PTPRN2: variants seen among roughly 807,000 people sequenced by gnomAD.
PTPRN2 encodes receptor-type tyrosine-protein phosphatase N2.
Under a neutral mutation model 118.8 loss-of-function variants are expected in PTPRN2, and 74 were observed. That is an observed-to-expected ratio of 0.62 (90% confidence interval 0.52 to 0.76). The LOEUF (loss-of-function observed/expected upper bound fraction) is 0.76. Ranked by LOEUF, PTPRN2 falls within the 30% of genes least tolerant of loss-of-function variation. The pLI, the probability that PTPRN2 is intolerant of heterozygous loss-of-function variation, is 0.00. For synonymous variants in PTPRN2, 641 were observed against 608.0 expected (o/e 1.05, Z -0.80); for missense variants, 1,481 against 1,394.4 (o/e 1.06, Z -0.99).
At chr7:158,305,329 GA>G (rs531647752) in intron 3 of PTPRN2, among the ~76,000 whole-genome samples, 50 of 152,114 alleles carry the variant, frequency 3.3e-4, no homozygotes, top group African/African-American at 1.1e-3. Context: ...AAGGACAACA[GA>G]AAAAATAGGG....
intron 11 of PTPRN2, among the ~76,000 whole-genome samples, chr7:158,060,506 T>C (rs191098160): frequency 6.6e-6 from 1 of 152,336 alleles, no homozygotes; most frequent in East Asian, 1.9e-4. Flanking sequence ...CACGAGGTGA[T>C]CCCCTCTTCT....
intron 3 of PTPRN2, among the ~76,000 whole-genome samples, chr7:158,315,465 A>G (rs1802236368): frequency 7.0e-6 from 1 of 143,028 alleles, no homozygotes; most frequent in Non-Finnish European, 1.5e-5. Flanking sequence ...TGAACCCAGG[A>G]CTCCCTGAAG....
intron 21 of PTPRN2, among the ~76,000 whole-genome samples, chr7:157,557,194 A>AAC (rs1414723198): frequency 6.7e-6 from 1 of 149,818 alleles, no homozygotes; most frequent in East Asian, 2.0e-4. Context: ...CACACCACAC[A>AAC]ACACACACAC....
intron 5 of PTPRN2, among the ~76,000 whole-genome samples, chr7:158,172,831 C>T (rs1167526993): frequency 1.4e-5 from 2 of 145,916 alleles, no homozygotes; most frequent in East Asian, 2.0e-4. Context: ...TCCACAGCAG[C>T]ATCCCCACCA....
Position 157,676,564 on chromosome 7 carries a change from C to A in PTPRN2, c.2001+6161G>T, listed in dbSNP as rs1164035641. ...ATGGTGGAGGAGCTGTCCAGACCCA[C>A]GGGACAGAAAAGCCCGGGCCAGCCC... On this transcript the variant is annotated intron_variant, in intron 13 of 22. Transcript: ENST00000389418. The surrounding 1 kb of genome is among the most constrained non-coding windows in gnomAD (Gnocchi z 5.6). 2.0e-5 allele frequency among the ~76,000 whole-genome samples: 3 copies of A among 152,314 alleles called. No homozygotes were observed. The East Asian group carries it at 5.8e-4, about 29-fold the overall frequency.
At chr7:158,019,008 A>G (rs1300978628) in intron 11 of PTPRN2, among the ~76,000 whole-genome samples, 1 of 151,262 alleles carries the variant, frequency 6.6e-6, no homozygotes, top group Non-Finnish European at 1.5e-5. Flanking sequence ...ATAAGAAAGT[A>G]TAAACAGAGT....
At chr7:157,855,532 T>C (rs930630785) in intron 12 of PTPRN2, among the ~76,000 whole-genome samples, 3 of 152,202 alleles carry the variant, frequency 2.0e-5, no homozygotes, top group African/African-American at 7.2e-5. Context: ...GGTTTGGGGA[T>C]TCACTTGATA....
At chr7:157,971,013 C>G (rs1802295988) in intron 11 of PTPRN2, among the ~76,000 whole-genome samples, 1 of 152,164 alleles carries the variant, frequency 6.6e-6, no homozygotes, top group Non-Finnish European at 1.5e-5. Flanking sequence ...CTGAAATAAT[C>G]CTAGAGAAAG....
At chr7:158,409,650 T>A (rs1813876691) in intron 2 of PTPRN2, among the ~76,000 whole-genome samples, 1 of 152,128 alleles carries the variant, frequency 6.6e-6, no homozygotes, top group African/African-American at 2.4e-5. Flanking sequence ...GCTGTGAGGG[T>A]TCCGGGGGTC....
chr7:158,116,905 C>G (rs1253342060), intron 9 of PTPRN2, among the ~76,000 whole-genome samples: 1 of 152,102 alleles, frequency 6.6e-6, no homozygotes, highest in East Asian at 1.9e-4. Flanking sequence ...GGCACAAAGA[C>G]AGCCTACAAA....
At chr7:157,630,991 G>A (rs918827829) in intron 14 of PTPRN2, among the ~76,000 whole-genome samples, 1 of 152,184 alleles carries the variant, frequency 6.6e-6, no homozygotes, top group African/African-American at 2.4e-5. Flanking sequence ...CACCACAACT[G>A]GCTTCCCTGA....
chr7:158,018,409 AAT>A (rs1270718116), intron 11 of PTPRN2, among the ~76,000 whole-genome samples: 1 of 152,100 alleles, frequency 6.6e-6, no homozygotes, highest in African/African-American at 2.4e-5. Context: ...GGAGCATATA[AAT>A]CCCTGTTTGT....
chr7:158,480,140 C>T (rs1350932111), intron 2 of PTPRN2, among the ~76,000 whole-genome samples: 3 of 152,186 alleles, frequency 2.0e-5, no homozygotes, highest in Non-Finnish European at 2.9e-5. Context: ...GCGGGGGTTG[C>T]GTCTCACCCT....
chr7:158,035,749 A>T (rs1808050157), intron 11 of PTPRN2, among the ~76,000 whole-genome samples: 1 of 152,258 alleles, frequency 6.6e-6, no homozygotes, highest in Non-Finnish European at 1.5e-5. Context: ...TATATCTAAC[A>T]TAACACATTG....
At chr7:157,910,423 G>A (rs1585001258) in intron 11 of PTPRN2, among the ~76,000 whole-genome samples, 1 of 147,010 alleles carries the variant, frequency 6.8e-6, no homozygotes, top group South Asian at 2.2e-4. Flanking sequence ...CACGTACGCC[G>A]TGGGAACGGG....
chr7:158,574,211 G>A lies in PTPRN2; in HGVS notation c.112+13347C>T, dbSNP rs564357655. 6.6e-6 allele frequency among the ~76,000 whole-genome samples: 1 copy of A among 152,224 alleles called. No individual in the cohort carries two copies. The highest frequency in any genetic ancestry group is 1.9e-4 in the East Asian group (1 of 5,186). On this transcript the variant is annotated intron_variant, in intron 1 of 22. Coordinates refer to ENST00000389418, the MANE Select transcript of PTPRN2 (RefSeq NM_002847.5). This position sits in a 1 kb window ranked among gnomAD's most constrained non-coding sequence, Gnocchi z 4.6. ...TCGAGACAGCAAATAACCATAGATT[G>A]AAGCTCTCCAGATTAGACACTTAAA...
At chr7:157,965,678 T>G (rs1801875683) in intron 11 of PTPRN2, among the ~76,000 whole-genome samples, 1 of 152,130 alleles carries the variant, frequency 6.6e-6, no homozygotes, top group African/African-American at 2.4e-5. Context: ...GGTGTTCTTT[T>G]CTTATCATCT....
At position 158,204,787 on chromosome 7, in the gene PTPRN2, C is replaced by T. The variant is rs116600867; in HGVS notation, c.380+384G>A. ...GGAACAATATATTTAGCTCAGTATACGTTGCTATGCTCTGGGAAAGGATGA... is the reference window on the plus strand; with the variant it reads ...GGAACAATATATTTAGCTCAGTATATGTTGCTATGCTCTGGGAAAGGATGA... On this transcript the variant is annotated intron_variant, in intron 4 of 22. Coordinates refer to ENST00000389418, the MANE Select transcript of PTPRN2 (RefSeq NM_002847.5). Among the ~76,000 whole-genome samples, 489 of 152,248 alleles carry T rather than the reference C, an allele frequency of 3.2e-3. 2 individuals carry two copies. Among genetic ancestry groups the T allele is most frequent in the African/African-American group, 0.011 (453 of 41,526 alleles).
At chr7:158,124,314 G>A (rs142376138) in intron 9 of PTPRN2, among the ~76,000 whole-genome samples, 2,224 of 152,344 alleles carry the variant, frequency 0.015, 54 homozygotes, top group African/African-American at 0.05. Flanking sequence ...ATCAGCTGAC[G>A]GAGGAAGACC....
Sources: allele counts gnomAD v4.1 joint callset (sites outside exome capture counted in the v4.1 genomes callset), GRCh38; gene constraint gnomAD v4.1.1; non-coding constraint Gnocchi (gnomAD v3.1); transcripts MANE v1.5; gene names NCBI Gene and HGNC (gene_info 2026-07-23, HGNC 2026-07-21).